The following MAF variants were observed in gnomAD, a reference collection of about 807,000 sequenced individuals.
MAF encodes the protein transcription factor Maf.
Under a neutral mutation model 22.0 loss-of-function variants are expected in MAF, and 10 were observed. The observed-to-expected ratio is 0.45, with a 90% CI of 0.28 to 0.77. The LOEUF is 0.77. MAF is among the 30% of genes least tolerant of loss of function. The probability of loss-of-function intolerance (pLI) is 0.12; values close to 1 mark genes in which losing one functional copy is unlikely to be tolerated. For synonymous variants in MAF, 337 were observed against 255.8 expected (o/e 1.32, Z -3.03); for missense variants, 544 against 548.4 (o/e 0.99, Z 0.08).
the MAF span, among the ~76,000 whole-genome samples, chr16:79,448,710 C>T: frequency 6.6e-6 from 1 of 151,928 alleles, no homozygotes; most frequent in Non-Finnish European, 1.5e-5. Context: ...CAGGCATGAG[C>T]CACTGCGCCT....
the MAF span, among the ~76,000 whole-genome samples, chr16:79,332,329 C>G: frequency 6.6e-6 from 1 of 152,004 alleles, no homozygotes; most frequent in Non-Finnish European, 1.5e-5. Flanking sequence ...GAGATGGAGT[C>G]TTGCTCTGTT....
At chr16:79,536,408 C>G in the MAF span, among the ~76,000 whole-genome samples, 1 of 152,110 alleles carries the variant, frequency 6.6e-6, no homozygotes, top group African/African-American at 2.4e-5. Context: ...TTGGGGAGGC[C>G]GAGGTGGGCA....
the MAF span, among the ~76,000 whole-genome samples, chr16:79,316,059 TGTCACCAACATGCA>T: frequency 6.6e-6 from 1 of 152,228 alleles, no homozygotes; most frequent in South Asian, 2.1e-4. Flanking sequence ...TTTCATGAGT[TGTCACCAACATGCA>T]TAACCTTATT....
chr16:79,589,934 G>A (rs1913089991), downstream of MAF, among the ~76,000 whole-genome samples: 3 of 152,154 alleles, frequency 2.0e-5, no homozygotes, highest in African/African-American at 4.8e-5. Flanking sequence ...GGCTCCCTGG[G>A]CACTGCCGCG....
At chr16:79,472,605 A>G in the MAF span, among the ~76,000 whole-genome samples, 1 of 152,150 alleles carries the variant, frequency 6.6e-6, no homozygotes, top group Non-Finnish European at 1.5e-5. Flanking sequence ...GTGGTTGCCT[A>G]GGGCTTGGAG....
At chr16:79,591,569 G>A (rs1426707317), downstream of MAF, among the ~76,000 whole-genome samples, 3 of 152,192 alleles carry the variant, frequency 2.0e-5, no homozygotes, top group African/African-American at 7.2e-5. Context: ...ATTTGTGTAA[G>A]GAACTGTGCA....
intron 1 of MAF, chr16:79,586,072 T>G: frequency 1.9e-6 from 1 of 533,098 alleles, no homozygotes; most frequent in Non-Finnish European, 3.3e-6. Context: ...AAGAGTGATT[T>G]TGTTCCATTT....
rs1913962245 is a variant in MAF, at chr16:79,600,397, G to C, written c.-495C>G. ...CCGCTCGGGGCTGGAGGCGCGGCGGGCGTCTGTCCGGGCGGCGCGGGCCTT... is the reference window on the plus strand; with the variant it reads ...CCGCTCGGGGCTGGAGGCGCGGCGGCCGTCTGTCCGGGCGGCGCGGGCCTT... On this transcript the variant is annotated 5_prime_UTR_variant, in exon 1 of 2. Transcript: ENST00000326043. 1 of 197,424 alleles carries C rather than the reference G, an allele frequency of 5.1e-6. No individual in the cohort carries two copies. Among genetic ancestry groups the C allele is most frequent in the South Asian group, 1.9e-4 (1 of 5,172 alleles). The allele number at this position is 197,424 out of a possible 1,614,324, so 12.2% of individuals were successfully genotyped here. A position where few individuals can be genotyped will look rare whatever the true frequency, so the allele number is the denominator to read the frequency against.
At chr16:79,209,464 A>G in the MAF span, among the ~76,000 whole-genome samples, 1 of 152,338 alleles carries the variant, frequency 6.6e-6, no homozygotes, top group South Asian at 2.1e-4. Context: ...GTGAAAGGCC[A>G]GTCTGTCATG....
downstream of MAF, among the ~76,000 whole-genome samples, chr16:79,592,764 G>A (rs1913259730): frequency 6.6e-6 from 1 of 152,154 alleles, no homozygotes; most frequent in Admixed American, 6.5e-5. Flanking sequence ...TATCACTGCA[G>A]ATAAAACTTC....
chr16:79,473,242 G>A, the MAF span, among the ~76,000 whole-genome samples: 1 of 151,920 alleles, frequency 6.6e-6, no homozygotes, highest in Non-Finnish European at 1.5e-5. Flanking sequence ...CTCTTTGCAG[G>A]TCCCAGATGT....
At chr16:79,210,518 G>T in the MAF span, among the ~76,000 whole-genome samples, 5 of 152,160 alleles carry the variant, frequency 3.3e-5, no homozygotes, top group Admixed American at 3.3e-4. Context: ...TTTTCCTTGT[G>T]GGGGCGAGCT....
At chr16:79,518,379 G>A in the MAF span, among the ~76,000 whole-genome samples, 2 of 152,228 alleles carry the variant, frequency 1.3e-5, no homozygotes, top group African/African-American at 2.4e-5. Context: ...GCTGGCTGGA[G>A]AAGTCATTAA....
chr16:79,575,330 G>A, the MAF span, among the ~76,000 whole-genome samples: 1 of 152,122 alleles, frequency 6.6e-6, no homozygotes, highest in African/African-American at 2.4e-5. Flanking sequence ...ACTGCTGATT[G>A]AACAAGAGAT....
the MAF span, among the ~76,000 whole-genome samples, chr16:79,357,220 C>A: frequency 6.7e-6 from 1 of 149,390 alleles, no homozygotes; most frequent in African/African-American, 2.5e-5. Context: ...TGTGCCATTG[C>A]ACTCCAGCCT....
the MAF span, among the ~76,000 whole-genome samples, chr16:79,415,589 G>A: frequency 6.6e-6 from 1 of 152,118 alleles, no homozygotes; most frequent in African/African-American, 2.4e-5. Flanking sequence ...TTCAAAGCCT[G>A]GATCACTTTT....
chr16:79,543,052 C>A, the MAF span, among the ~76,000 whole-genome samples: 1 of 152,202 alleles, frequency 6.6e-6, no homozygotes, highest in Non-Finnish European at 1.5e-5. Flanking sequence ...CAATAAAAAA[C>A]AGTAAATGTT....
the MAF span, among the ~76,000 whole-genome samples, chr16:79,456,598 T>C: frequency 6.6e-6 from 1 of 152,168 alleles, no homozygotes; most frequent in African/African-American, 2.4e-5. Context: ...GATGAGCTAC[T>C]AAGCTGGCTC....
the MAF span, among the ~76,000 whole-genome samples, chr16:79,411,493 G>C: frequency 7.2e-5 from 11 of 152,168 alleles, no homozygotes; most frequent in Non-Finnish European, 1.5e-5. Context: ...GAAAGCCCTG[G>C]AAATGTTTGC....
Sources: allele counts gnomAD v4.1 joint callset (sites outside exome capture counted in the v4.1 genomes callset), GRCh38; gene constraint gnomAD v4.1.1; transcripts MANE v1.5; gene names NCBI Gene and HGNC (gene_info 2026-07-23, HGNC 2026-07-21).